The following PIK3C3 variants were observed in gnomAD, a reference collection of about 807,000 sequenced individuals.
The protein encoded by PIK3C3 is PI3-kinase type 3.
A neutral mutation model predicts 126.1 loss-of-function variants in PIK3C3; 95 were observed. That is an observed-to-expected ratio of 0.75 (90% CI 0.64 to 0.89). The LOEUF (loss-of-function observed/expected upper bound fraction) is 0.89, where lower values mean the gene tolerates loss of function less well. Ranked by LOEUF, PIK3C3 falls within the 40% of genes least tolerant of loss-of-function variation. PIK3C3 has a pLI of 0.00. For synonymous variants in PIK3C3, 374 were observed against 360.0 expected, an observed-to-expected ratio of 1.04 and a Z score of -0.44; for missense variants, 829 against 1,063.2, an observed-to-expected ratio of 0.78 and a Z score of 3.06.
intron 24 of PIK3C3, among the ~76,000 whole-genome samples, chr18:42,074,076 C>T (rs984055093): frequency 6.6e-6 from 1 of 152,130 alleles, no homozygotes; most frequent in Non-Finnish European, 1.5e-5. Context: ...GAAAGTCGCT[C>T]TTTCCTGGGT....
At chr18:42,065,255 T>C (rs1480610617) in intron 23 of PIK3C3, among the ~76,000 whole-genome samples, 1 of 151,782 alleles carries the variant, frequency 6.6e-6, no homozygotes, top group Non-Finnish European at 1.5e-5. Context: ...ACTAAGCCAA[T>C]GAAAAAATAA....
Position 42,085,119 on chromosome 18 carries a change from A to T in PIK3C3, c.*3982A>T, listed in dbSNP as rs1986372990. 2 of 152,220 alleles carry T rather than the reference A, an allele frequency of 1.3e-5. No individual in the cohort carries two copies. Among genetic ancestry groups the T allele is most frequent in the Admixed American group, 1.3e-4 (2 of 15,282 alleles). The allele number at this position is 152,220 out of a possible 1,614,324, so 9.4% of individuals were successfully genotyped here. ...TATGTAGTTAAAAAACCTAACAAAA[A>T]GCACTTTTCTATATAATGAGTGGTT... On this transcript the variant is annotated 3_prime_UTR_variant, in exon 25 of 25. Coordinates refer to ENST00000262039, the MANE Select transcript of PIK3C3 (RefSeq NM_002647.4).
chr18:42,071,685 C>G (rs193016807), intron 24 of PIK3C3, among the ~76,000 whole-genome samples: 507 of 151,008 alleles, frequency 3.4e-3, no homozygotes, highest in African/African-American at 0.012. Flanking sequence ...ACTCCACTGC[C>G]CTCCAGCCTG....
chr18:41,980,948 A>G (rs1425409870), intron 4 of PIK3C3, among the ~76,000 whole-genome samples: 1 of 152,190 alleles, frequency 6.6e-6, no homozygotes, highest in Non-Finnish European at 1.5e-5. Context: ...TGTTTTGTAA[A>G]TGACAATAAT....
intron 3 of PIK3C3, among the ~76,000 whole-genome samples, chr18:41,966,857 G>C (rs1274890906): frequency 1.3e-5 from 2 of 152,106 alleles, no homozygotes; most frequent in Admixed American, 6.5e-5. Flanking sequence ...CTCCTATATA[G>C]TTGTAGGGCA....
At chr18:41,964,447 A>G (rs186023441) in intron 3 of PIK3C3, among the ~76,000 whole-genome samples, 23 of 152,224 alleles carry the variant, frequency 1.5e-4, no homozygotes, top group South Asian at 6.2e-4. Flanking sequence ...TGAAAGAACA[A>G]TAGTATCCAC....
intron 4 of PIK3C3, among the ~76,000 whole-genome samples, chr18:41,972,146 A>G (rs921285353): frequency 2.0e-5 from 3 of 152,060 alleles, no homozygotes; most frequent in East Asian, 1.9e-4. Flanking sequence ...TTTGAATTTT[A>G]TACTAGAAAA....
At chr18:42,020,612 T>G in intron 12 of PIK3C3, 26 bp from the exon 13 acceptor site, 1 of 1,490,356 alleles carries the variant, frequency 6.7e-7, no homozygotes, top group Non-Finnish European at 9.3e-7. Flanking sequence ...TGATAATATA[T>G]AATACATTTC....
rs768602290 is a variant in PIK3C3 at position 42,020,635 on chromosome 18, C to T, written c.1417-3C>T. ...TATAATACATTTCTTTTAATTCTTT[C>T]AGCAAGATCTCTGTACCTTCTTGAT... On this transcript the variant is annotated splice_polypyrimidine_tract_variant and splice_region_variant and intron_variant, in intron 12 of 24. Transcript: ENST00000262039. The T allele has an allele frequency of 1.3e-6, 2 of 1,586,380 alleles. No homozygotes were observed. The highest frequency in any genetic ancestry group is 2.7e-5 in the African/African-American group (2 of 74,004).
chr18:41,998,035 G>T (rs183945484), intron 9 of PIK3C3, among the ~76,000 whole-genome samples: 11 of 152,180 alleles, frequency 7.2e-5, no homozygotes, highest in Admixed American at 5.9e-4. Flanking sequence ...ACTATTTTAA[G>T]TTGTTTTTCT....
intron 24 of PIK3C3, among the ~76,000 whole-genome samples, chr18:42,075,123 C>G (rs559417646): frequency 6.6e-6 from 1 of 152,174 alleles, no homozygotes; most frequent in Non-Finnish European, 1.5e-5. Flanking sequence ...TTTTATCCTA[C>G]TTTATGGATG....
chr18:41,974,789 T>G (rs867146889), intron 4 of PIK3C3, among the ~76,000 whole-genome samples: 32 of 152,164 alleles, frequency 2.1e-4, no homozygotes, highest in Middle Eastern at 3.4e-3. Context: ...ATTATAAGAG[T>G]TTTATGACTA....
chr18:42,042,100 C>CT (rs560320017), intron 19 of PIK3C3, among the ~76,000 whole-genome samples: 246 of 152,300 alleles, frequency 1.6e-3, no homozygotes, highest in African/African-American at 5.4e-3. Context: ...ATCCACTTTC[C>CT]TTCTGGGAGT....
intron 13 of PIK3C3, among the ~76,000 whole-genome samples, chr18:42,022,146 C>CT (rs1302171482): frequency 8.6e-5 from 13 of 151,756 alleles, no homozygotes; most frequent in Non-Finnish European, 1.8e-4. Context: ...TTCCTTTTTT[C>CT]TTTTTTATTG....
intron 9 of PIK3C3, among the ~76,000 whole-genome samples, chr18:42,003,659 G>C (rs1982399858): frequency 6.6e-6 from 1 of 152,184 alleles, no homozygotes; most frequent in African/African-American, 2.4e-5. Context: ...TTAACTGACA[G>C]TCTTGTGAAA....
intron 4 of PIK3C3, chr18:41,971,336 T>C (rs1980656865): frequency 6.6e-6 from 1 of 152,134 alleles, no homozygotes; most frequent in African/African-American, 2.4e-5. Flanking sequence ...TACCCACATA[T>C]AGAAGAAATC....
intron 3 of PIK3C3, among the ~76,000 whole-genome samples, chr18:41,963,639 A>G (rs1980208136): frequency 1.3e-5 from 2 of 152,168 alleles, no homozygotes; most frequent in African/African-American, 4.8e-5. Flanking sequence ...GATATTACAA[A>G]TGTCTTAATT....
At chr18:42,026,254 T>C (rs1463902164) in intron 13 of PIK3C3, 1 of 152,202 alleles carries the variant, frequency 6.6e-6, no homozygotes, top group Non-Finnish European at 1.5e-5. Context: ...AGCAAGTTGA[T>C]TGAGATTGAT....
At chr18:42,062,622 C>T (rs1179642449) in intron 22 of PIK3C3, among the ~76,000 whole-genome samples, 4 of 152,034 alleles carry the variant, frequency 2.6e-5, no homozygotes, top group Non-Finnish European at 5.9e-5. Context: ...TTGCCCACCC[C>T]TCACTCCCCT....
Sources: gnomAD v4.1 joint callset for allele counts (sites outside exome capture counted in the v4.1 genomes callset) on GRCh38, gnomAD v4.1.1 for gene constraint, MANE v1.5 for transcripts, NCBI Gene and HGNC (gene_info 2026-07-23, HGNC 2026-07-21) for gene names.